Variants in PBX1 observed in about 807,000 individuals in gnomAD.
PBX1 encodes pre-B-cell leukemia transcription factor 1.
A neutral mutation model predicts 53.4 loss-of-function variants in PBX1; 6 were observed. The observed-to-expected ratio is 0.11, with a 90% CI of 0.06 to 0.22. The LOEUF (loss-of-function observed/expected upper bound fraction) is 0.22, where lower values mean the gene tolerates loss of function less well. PBX1 is among the 10% of genes least tolerant of loss of function. The pLI is 1.00. For synonymous variants in PBX1, 204 were observed against 212.3 expected (o/e 0.96, Z 0.34); for missense variants, 251 against 551.4 (o/e 0.46, Z 5.46).
intron 2 of PBX1, among the ~76,000 whole-genome samples, chr1:164,627,239 T>G (rs1658106965): frequency 6.6e-6 from 1 of 152,206 alleles, no homozygotes; most frequent in African/African-American, 2.4e-5. Flanking sequence ...TGCAAATTTT[T>G]TTTTAAAGGA....
intron 2 of PBX1, among the ~76,000 whole-genome samples, chr1:164,614,246 G>C (rs1249595687): frequency 1.3e-5 from 2 of 152,176 alleles, no homozygotes; most frequent in African/African-American, 4.8e-5. Context: ...CAGCCTCTCT[G>C]ATTTTACAAA....
chr1:164,823,012 C>T (rs1262861614), intron 8 of PBX1, among the ~76,000 whole-genome samples: 2 of 152,140 alleles, frequency 1.3e-5, no homozygotes, highest in Non-Finnish European at 2.9e-5. Context: ...AGGCCACTTA[C>T]ATTAGGGAGT....
chr1:164,561,860 T>G (rs1434601306), intron 1 of PBX1, among the ~76,000 whole-genome samples: 2 of 152,162 alleles, frequency 1.3e-5, no homozygotes, highest in African/African-American at 4.8e-5. Context: ...AATTTTTGTT[T>G]GCATTTGGGC....
chr1:164,870,356 T>TCTTTCTTTCTTTCTTTCTTC lies in PBX1; in HGVS notation n.258-28827_258-28826insTTTCTTTCTTTCTTCCTTTC, dbSNP rs1553255712. Among the ~76,000 whole-genome samples the TCTTTCTTTCTTTCTTTCTTC allele has an allele frequency of 3.9e-4, 31 of 80,252 alleles. 5 individuals are homozygous for TCTTTCTTTCTTTCTTTCTTC. Among genetic ancestry groups the TCTTTCTTTCTTTCTTTCTTC allele is most frequent in the East Asian group, 2.2e-3 (5 of 2,320 alleles). The allele number at this position is 80,252 out of a possible 152,430, so 52.6% of individuals were successfully genotyped here. ...TTCTTTCTTTCTTTCTTTCTTTCTTTCTTTCGAGATGAAGTCTTGCTCTGT... is the reference window on the plus strand; with the variant it reads ...TTCTTTCTTTCTTTCTTTCTTTCTTTCTTTCTTTCTTTCTTTCTTCCTTTCGAGATGAAGTCTTGCTCTGT... On this transcript the variant is annotated intron_variant and non_coding_transcript_variant, in intron 2 of 2. Transcript: ENST00000558796.
At chr1:164,585,542 G>A (rs1048069387) in intron 2 of PBX1, among the ~76,000 whole-genome samples, 2 of 152,184 alleles carry the variant, frequency 1.3e-5, no homozygotes, top group Admixed American at 6.5e-5. Flanking sequence ...TAGTCTTTGA[G>A]GGGGGTAGTC....
chr1:164,634,677 A>G (rs1658628834), intron 2 of PBX1, among the ~76,000 whole-genome samples: 1 of 152,176 alleles, frequency 6.6e-6, no homozygotes, highest in Non-Finnish European at 1.5e-5. Flanking sequence ...ACACCATCTG[A>G]TAGACACAAA....
At chr1:164,587,623 T>C (rs1655038409) in intron 2 of PBX1, among the ~76,000 whole-genome samples, 1 of 152,084 alleles carries the variant, frequency 6.6e-6, no homozygotes, top group South Asian at 2.1e-4. Context: ...GAATGCAAAA[T>C]GAGAAGTTTT....
At chr1:164,606,064 A>T (rs1050985006) in intron 2 of PBX1, among the ~76,000 whole-genome samples, 10 of 152,208 alleles carry the variant, frequency 6.6e-5, no homozygotes, top group African/African-American at 2.4e-4. Flanking sequence ...AATAGGCAAA[A>T]GGCTGTGGGT....
At chr1:164,602,637 G>A (rs1656252027) in intron 2 of PBX1, among the ~76,000 whole-genome samples, 1 of 150,002 alleles carries the variant, frequency 6.7e-6, no homozygotes, top group Admixed American at 6.7e-5. Context: ...CCTCCCCACA[G>A]CTCTTGACTG....
At chr1:164,595,211 C>G (rs2101783561) in intron 2 of PBX1, among the ~76,000 whole-genome samples, 1 of 152,328 alleles carries the variant, frequency 6.6e-6, no homozygotes, top group African/African-American at 2.4e-5. Context: ...TTGCAAAGTT[C>G]CCTTCAGTGG....
chr1:164,617,624 T>C (rs182605704), intron 2 of PBX1, among the ~76,000 whole-genome samples: 1 of 152,322 alleles, frequency 6.6e-6, no homozygotes, highest in African/African-American at 2.4e-5. Flanking sequence ...GAGGGGTGTG[T>C]GTGGTGGAGT....
intron 2 of PBX1, among the ~76,000 whole-genome samples, chr1:164,671,790 G>T (rs1026955201): frequency 6.6e-6 from 1 of 152,134 alleles, no homozygotes; most frequent in Non-Finnish European, 1.5e-5. Context: ...TGAGGGTTTT[G>T]TGTGAGTGTG....
chr1:164,794,206 G>C (rs1668675699), intron 3 of PBX1, among the ~76,000 whole-genome samples: 1 of 152,058 alleles, frequency 6.6e-6, no homozygotes, highest in African/African-American at 2.4e-5. Context: ...AAAGAAGACA[G>C]AGAAAAAGTG....
At chr1:164,577,284 T>C (rs1176969436) in intron 2 of PBX1, among the ~76,000 whole-genome samples, 1 of 152,218 alleles carries the variant, frequency 6.6e-6, no homozygotes, top group Non-Finnish European at 1.5e-5. Context: ...AAGCTCAGTC[T>C]GATTTCTTTA....
At chr1:164,610,547 G>T (rs983186798) in intron 2 of PBX1, among the ~76,000 whole-genome samples, 4 of 152,094 alleles carry the variant, frequency 2.6e-5, no homozygotes, top group Admixed American at 6.5e-5. Flanking sequence ...CTTTGTAAGA[G>T]GTTAAGGTCT....
chr1:164,607,493 G>A (rs979989492), intron 2 of PBX1, among the ~76,000 whole-genome samples: 1 of 152,170 alleles, frequency 6.6e-6, no homozygotes, highest in African/African-American at 2.4e-5. Context: ...AAGCTACTGA[G>A]GAAGGTTAGA....
chr1:164,677,768 A>G (rs980339970), intron 2 of PBX1, among the ~76,000 whole-genome samples: 1 of 152,062 alleles, frequency 6.6e-6, no homozygotes, highest in African/African-American at 2.4e-5. Context: ...GCCAGCACTA[A>G]GGAAGCACGG....
At chr1:164,751,118 C>A (rs976922127) in intron 2 of PBX1, among the ~76,000 whole-genome samples, 2 of 151,850 alleles carry the variant, frequency 1.3e-5, no homozygotes, top group African/African-American at 4.8e-5. Context: ...GAGTTCAAGA[C>A]CAGCCTGGCC....
chr1:164,704,744 G>T (rs964974523), intron 2 of PBX1, among the ~76,000 whole-genome samples: 2 of 152,140 alleles, frequency 1.3e-5, no homozygotes, highest in Non-Finnish European at 2.9e-5. Context: ...CAGTTGGTCA[G>T]GGTATTCCTC....
Sources: allele counts gnomAD v4.1 joint callset (sites outside exome capture counted in the v4.1 genomes callset), GRCh38; gene constraint gnomAD v4.1.1; transcripts MANE v1.5; gene names NCBI Gene and HGNC (gene_info 2026-07-23, HGNC 2026-07-21).